DRC8: variants seen among roughly 807,000 people sequenced by gnomAD.
The protein encoded by DRC8 is dynein regulatory complex protein 8.
At chr1:245,006,356 G>C in the DRC8 span, among the ~76,000 whole-genome samples, 2 of 152,068 alleles carry the variant, frequency 1.3e-5, no homozygotes, top group East Asian at 3.9e-4. Context: ...CTGCCTCCCA[G>C]CCTGGAGTGC....
At chr1:245,092,421 T>A in the DRC8 span, among the ~76,000 whole-genome samples, 1 of 152,242 alleles carries the variant, frequency 6.6e-6, no homozygotes, top group South Asian at 2.1e-4. Context: ...ACCCTGTTTA[T>A]ACAGACAGTT....
At chr1:245,066,775 C>T in the DRC8 span, among the ~76,000 whole-genome samples, 3 of 151,994 alleles carry the variant, frequency 2.0e-5, no homozygotes, top group East Asian at 1.9e-4. Flanking sequence ...GGCTTGGTGG[C>T]GGGCACCTGT....
At chr1:245,017,227 CT>C in the DRC8 span, 1 of 1,581,734 alleles carries the variant, frequency 6.3e-7, no homozygotes, top group Non-Finnish European at 8.5e-7. Flanking sequence ...TTTTTATTTA[CT>C]TTGTCTTTTG....
chr1:245,121,681 G>A, the DRC8 span, among the ~76,000 whole-genome samples: 1 of 152,102 alleles, frequency 6.6e-6, no homozygotes, highest in East Asian at 1.9e-4. Context: ...GTGCTGCGTG[G>A]GGGAGAGGTA....
chr1:245,102,538 C>T, the DRC8 span, among the ~76,000 whole-genome samples: 1 of 152,036 alleles, frequency 6.6e-6, no homozygotes, highest in African/African-American at 2.4e-5. Flanking sequence ...TTAGTAGAGA[C>T]GGGGTTTCGC....
chr1:245,118,589 C>A, the DRC8 span, among the ~76,000 whole-genome samples: 2 of 151,934 alleles, frequency 1.3e-5, no homozygotes, highest in African/African-American at 4.8e-5. Context: ...GTCGGGAGTA[C>A]GAGATCAGCC....
chr1:245,072,493 C>A, the DRC8 span, among the ~76,000 whole-genome samples: 1 of 152,110 alleles, frequency 6.6e-6, no homozygotes, highest in Non-Finnish European at 1.5e-5. Context: ...CCACCTTGCC[C>A]TCCCAAAGTG....
chr1:245,101,529 A>G, the DRC8 span, among the ~76,000 whole-genome samples: 1 of 152,178 alleles, frequency 6.6e-6, no homozygotes, highest in Non-Finnish European at 1.5e-5. Context: ...ATATTAATAC[A>G]TTATGGACTG....
chr1:245,072,015 G>A, the DRC8 span, among the ~76,000 whole-genome samples: 2 of 152,366 alleles, frequency 1.3e-5, no homozygotes, highest in Admixed American at 6.5e-5. Context: ...GGACAGTGCA[G>A]CACTCTCTTA....
the DRC8 span, among the ~76,000 whole-genome samples, chr1:244,973,606 C>T: frequency 6.6e-6 from 1 of 152,208 alleles, no homozygotes; most frequent in Non-Finnish European, 1.5e-5. Flanking sequence ...ATACATTCTT[C>T]TATTCCATCT....
chr1:245,118,446 A>C, the DRC8 span, among the ~76,000 whole-genome samples: 5 of 152,328 alleles, frequency 3.3e-5, no homozygotes, highest in South Asian at 2.1e-4. Context: ...CTTGTGGAGC[A>C]TTTTAAAAAC....
chr1:244,973,690 C>T, the DRC8 span, among the ~76,000 whole-genome samples: 2 of 152,278 alleles, frequency 1.3e-5, no homozygotes, highest in East Asian at 3.9e-4. Flanking sequence ...CTACAAAAAA[C>T]CTCATTGTAG....
chr1:245,074,794 G>A, the DRC8 span, among the ~76,000 whole-genome samples: 3 of 152,220 alleles, frequency 2.0e-5, no homozygotes, highest in East Asian at 5.8e-4. Context: ...ATTAATTATT[G>A]TGATTTTGTT....
chr1:244,990,951 A>G, the DRC8 span, among the ~76,000 whole-genome samples: 11 of 152,090 alleles, frequency 7.2e-5, no homozygotes, highest in Admixed American at 4.6e-4. Flanking sequence ...TGGGAGTCCT[A>G]CAATTCAACT....
chr1:245,087,826 A>G, the DRC8 span: 1 of 833,274 alleles, frequency 1.2e-6, no homozygotes, highest in Admixed American at 6.2e-5. Context: ...ATCAAAATAA[A>G]TATTACTAAT....
chr1:245,014,330 G>A, the DRC8 span, among the ~76,000 whole-genome samples: 1 of 152,110 alleles, frequency 6.6e-6, no homozygotes, highest in African/African-American at 2.4e-5. Context: ...GTTGAGCAGA[G>A]AACATGAATA....
the DRC8 span, among the ~76,000 whole-genome samples, chr1:245,022,726 T>C: frequency 6.6e-6 from 1 of 152,136 alleles, no homozygotes; most frequent in South Asian, 2.1e-4. Flanking sequence ...TGTGCGTGTG[T>C]GTGTGTGTGC....
chr1:244,975,733 GC>G, the DRC8 span, among the ~76,000 whole-genome samples: 20 of 151,986 alleles, frequency 1.3e-4, no homozygotes, highest in Non-Finnish European at 2.4e-4. Context: ...GGTGGCGCGT[GC>G]CTGTAATCCC....
At chr1:245,042,808 C>T in the DRC8 span, among the ~76,000 whole-genome samples, 16 of 152,192 alleles carry the variant, frequency 1.1e-4, no homozygotes, top group African/African-American at 3.6e-4. Flanking sequence ...TTAGGCTGCC[C>T]TTAAACTGAA....
Sources: allele counts gnomAD v4.1 joint callset (sites outside exome capture counted in the v4.1 genomes callset), GRCh38; gene constraint gnomAD v4.1.1; transcripts MANE v1.5; gene names NCBI Gene and HGNC (gene_info 2026-07-23, HGNC 2026-07-21).